The following STAC variants were observed in gnomAD, a reference collection of about 807,000 sequenced individuals.
STAC encodes SH3 and cysteine-rich domain-containing protein.
In STAC, 43 loss-of-function variants were observed where a neutral mutation model predicts 48.8. The ratio of observed to expected loss-of-function variants is 0.88; its 90% CI spans 0.69 to 1.14. The LOEUF is 1.14. STAC is among the 50% of genes most tolerant of loss of function. The pLI, the probability that STAC is intolerant of heterozygous loss-of-function variation, is 0.00. For synonymous variants in STAC, 193 were observed against 179.5 expected, an observed-to-expected ratio of 1.07 and a Z score of -0.60; for missense variants, 497 against 504.0, an observed-to-expected ratio of 0.99 and a Z score of 0.13.
At chr3:36,530,075 G>A (rs192272112) in intron 10 of STAC, among the ~76,000 whole-genome samples, 111 of 152,266 alleles carry the variant, frequency 7.3e-4, no homozygotes, top group African/African-American at 2.3e-3. Context: ...AGCCGAGATC[G>A]TGCCACTGCA....
intron 2 of STAC, among the ~76,000 whole-genome samples, chr3:36,473,361 G>C (rs933880615): frequency 7.2e-5 from 11 of 152,212 alleles, no homozygotes; most frequent in African/African-American, 2.7e-4. Flanking sequence ...ACATACCTGA[G>C]TTAGCTATGT....
chr3:36,424,418 T>G (rs1281742012), intron 1 of STAC, among the ~76,000 whole-genome samples: 1 of 152,172 alleles, frequency 6.6e-6, no homozygotes, highest in Non-Finnish European at 1.5e-5. Context: ...TTTCTACAGA[T>G]AGATTGATAT....
At chr3:36,407,430 G>A (rs753837832) in intron 1 of STAC, among the ~76,000 whole-genome samples, 11 of 152,212 alleles carry the variant, frequency 7.2e-5, no homozygotes, top group Non-Finnish European at 1.3e-4. Context: ...TCCCATAAAT[G>A]AGAAGTGCCA....
chr3:36,417,467 A>G (rs1700346044), intron 1 of STAC, among the ~76,000 whole-genome samples: 1 of 152,024 alleles, frequency 6.6e-6, no homozygotes. Flanking sequence ...ACACACGTAT[A>G]TAAATTTTTC....
chr3:36,542,783 T>C (rs1699358931), intron 10 of STAC, among the ~76,000 whole-genome samples: 1 of 152,208 alleles, frequency 6.6e-6, no homozygotes. Flanking sequence ...ACTCACCACA[T>C]TGTTGATTTC....
chr3:36,540,863 A>G (rs1040904514), intron 10 of STAC, among the ~76,000 whole-genome samples: 21 of 152,196 alleles, frequency 1.4e-4, no homozygotes, highest in African/African-American at 5.1e-4. Context: ...GTGTTGTTTA[A>G]GGCTTCTAAA....
chr3:36,509,876 A>T (rs566187326), intron 8 of STAC, among the ~76,000 whole-genome samples: 27 of 152,070 alleles, frequency 1.8e-4, no homozygotes, highest in Non-Finnish European at 3.5e-4. Flanking sequence ...AACCTAGGGA[A>T]TACCATTCAG....
chr3:36,514,994 C>A (rs780307502), intron 8 of STAC, among the ~76,000 whole-genome samples: 5 of 151,698 alleles, frequency 3.3e-5, no homozygotes, highest in Non-Finnish European at 5.9e-5. Context: ...GCCAAGATCA[C>A]GCCATTGCCC....
chr3:36,432,493 G>C (rs1700728997), intron 1 of STAC, among the ~76,000 whole-genome samples: 1 of 152,066 alleles, frequency 6.6e-6, no homozygotes, highest in Non-Finnish European at 1.5e-5. Context: ...CCTGAGGTCA[G>C]GAGTTCAAGA....
chr3:36,534,217 A>T (rs1699141773), intron 10 of STAC, among the ~76,000 whole-genome samples: 1 of 152,162 alleles, frequency 6.6e-6, no homozygotes, highest in African/African-American at 2.4e-5. Context: ...CAACCTTCTC[A>T]TCAGCATAGT....
chr3:36,398,361 AAG>A (rs1699907053), intron 1 of STAC, among the ~76,000 whole-genome samples: 1 of 136,950 alleles, frequency 7.3e-6, no homozygotes. Flanking sequence ...GAAAGAAAGA[AAG>A]AAAGAAAAGA....
At chr3:36,447,648 A>C (rs535920858) in intron 2 of STAC, among the ~76,000 whole-genome samples, 5,629 of 121,582 alleles carry the variant, frequency 0.046, 122 homozygotes, top group Middle Eastern at 0.14. Context: ...ATGTATACAC[A>C]CCACACACAC....
At position 36,493,178 on chromosome 3, in the gene STAC, G is replaced by C. The variant is rs1299773767; in HGVS notation, c.715G>C (p.Glu239Gln). 6.2e-7 allele frequency: 1 copy of C among 1,613,384 alleles called. No homozygotes were observed. Among genetic ancestry groups the C allele is most frequent in the African/African-American group, 1.3e-5 (1 of 74,896 alleles). Residue 239 changes from glutamate (E) to glutamine (Q), a missense_variant, in exon 6 of 11, where the codon GAA (glutamate) becomes CAA (glutamine). By Grantham distance (29) the Glu-to-Gln change is conservative. Transcript: ENST00000273183. ...STSDLVEVPE[E>Q]ANGPGGGYDL... is the part of the protein sequence containing the mutation. Reference sequence around the variant, plus strand: ...TTCAGATCTTGTGGAGGTTCCTGAGGAAGCCAATGGGCCAGGAGGCGGGTA... The same window carrying C: ...TTCAGATCTTGTGGAGGTTCCTGAGCAAGCCAATGGGCCAGGAGGCGGGTA...
chr3:36,528,208 C>T (rs1423570115), intron 8 of STAC, among the ~76,000 whole-genome samples: 4 of 152,086 alleles, frequency 2.6e-5, no homozygotes, highest in South Asian at 2.1e-4. Context: ...GGATGACTCA[C>T]GCCTGTAATC....
chr3:36,489,902 G>T (rs554667581), intron 5 of STAC, among the ~76,000 whole-genome samples: 12 of 152,292 alleles, frequency 7.9e-5, no homozygotes, highest in African/African-American at 2.6e-4. Context: ...CTCCGGATCT[G>T]CAGCATCAGC....
At chr3:36,412,316 A>G (rs545868454) in intron 1 of STAC, among the ~76,000 whole-genome samples, 15 of 152,336 alleles carry the variant, frequency 9.8e-5, no homozygotes, top group African/African-American at 3.6e-4. Context: ...TTTTATTAGG[A>G]AAGCAAAACT....
intron 1 of STAC, among the ~76,000 whole-genome samples, chr3:36,434,446 G>A (rs1700779975): frequency 6.6e-6 from 1 of 152,168 alleles, no homozygotes; most frequent in South Asian, 2.1e-4. Context: ...TAGCAAGGAG[G>A]AAACATTTGC....
At chr3:36,486,069 T>C (rs1284526807) in intron 4 of STAC, 65 bp from the exon 5 acceptor site, 1 of 1,213,524 alleles carries the variant, frequency 8.2e-7, no homozygotes, top group Non-Finnish European at 1.2e-6. Context: ...CCAGGAGATG[T>C]GGTAGGCAGT....
At chr3:36,393,331 A>G (rs1474751187) in intron 1 of STAC, among the ~76,000 whole-genome samples, 1 of 152,120 alleles carries the variant, frequency 6.6e-6, no homozygotes, top group Non-Finnish European at 1.5e-5. Context: ...AGAAAATTCA[A>G]TCTACCTAAA....
Sources: allele counts gnomAD v4.1 joint callset (sites outside exome capture counted in the v4.1 genomes callset), GRCh38; gene constraint gnomAD v4.1.1; transcripts MANE v1.5; gene names NCBI Gene and HGNC (gene_info 2026-07-23, HGNC 2026-07-21).